The following SPIDR variants were observed in gnomAD, a reference collection of about 807,000 sequenced individuals.
SPIDR encodes scaffold protein involved in DNA repair, also known as DNA repair-scaffolding protein.
Under a neutral mutation model 104.6 loss-of-function variants are expected in SPIDR, and 93 were observed. The ratio of observed to expected loss-of-function variants is 0.89; its 90% CI spans 0.75 to 1.06. SPIDR has a LOEUF of 1.06. SPIDR is among the 50% of genes least tolerant of loss of function. The pLI is 0.00. For synonymous variants in SPIDR, 431 were observed against 416.9 expected, an observed-to-expected ratio of 1.03 and a Z score of -0.41; for missense variants, 1,154 against 1,111.2, an observed-to-expected ratio of 1.04 and a Z score of -0.55.
intron 12 of SPIDR, among the ~76,000 whole-genome samples, chr8:47,701,361 G>A (rs2080154522): frequency 6.6e-6 from 1 of 152,190 alleles, no homozygotes; most frequent in Non-Finnish European, 1.5e-5. Flanking sequence ...GAACCCATGA[G>A]GCAGACGTTG....
intron 8 of SPIDR, among the ~76,000 whole-genome samples, chr8:47,560,281 G>A (rs756147341): frequency 3.3e-5 from 5 of 152,128 alleles, no homozygotes; most frequent in Non-Finnish European, 7.3e-5. Flanking sequence ...ATATAGTGCT[G>A]GTAGGCCAAG....
At chr8:47,458,497 A>G (rs1554711235) in intron 8 of SPIDR, among the ~76,000 whole-genome samples, 2 of 151,792 alleles carry the variant, frequency 1.3e-5, no homozygotes, top group African/African-American at 4.8e-5. Flanking sequence ...TGTATCCTAA[A>G]ACTTTGCTGA....
Position 47,293,908 on chromosome 8 carries a change from G to T in SPIDR, c.403G>T (p.Ala135Ser), listed in dbSNP as rs1330725295. The change falls in exon 5 of 20, where the codon GCA (alanine) becomes TCA (serine). Residue 135 changes from alanine (A) to serine (S), a missense_variant. Transcript: ENST00000297423. ...FIDWEIDSDRAEASDCDEFED... is the reference protein window; with the variant it reads ...FIDWEIDSDRSEASDCDEFED... The stretch of plus-strand genomic sequence containing the variant: ...CGACTGGGAGATTGACAGTGACAGG[G>T]CAGAGGCTAGTGACTGTGATGAATT... The T allele has an allele frequency of 3.7e-6, 6 of 1,613,868 alleles. No individual in the cohort carries two copies. In the Admixed American group the frequency reaches 5.0e-5, roughly 13 times the overall value.
Position 47,713,626 on chromosome 8 carries a change from ATCT to A in SPIDR, c.2327_2329del (p.Ile776_Cys777delinsSer). 3 of 1,614,124 alleles carry A rather than the reference ATCT, an allele frequency of 1.9e-6. No individual in the cohort carries two copies. The South Asian group carries it at 3.3e-5, about 18-fold the overall frequency. The stretch of plus-strand genomic sequence containing the variant: ...GGACTCTGCAACACCTGTCAACTCC[ATCT>A]GCAGTGTTCAAGGTAGGCAGCCATC... On this transcript the variant is annotated inframe_deletion, in exon 16 of 20. Transcript: ENST00000297423.
chr8:47,281,557 C>T (rs1260428237), intron 2 of SPIDR, among the ~76,000 whole-genome samples: 1 of 152,210 alleles, frequency 6.6e-6, no homozygotes, highest in Non-Finnish European at 1.5e-5. Flanking sequence ...TCTCCAGAAA[C>T]TACTTTATTT....
chr8:47,680,805 A>T (rs1005482596), intron 11 of SPIDR, among the ~76,000 whole-genome samples: 2 of 152,236 alleles, frequency 1.3e-5, no homozygotes, highest in African/African-American at 2.4e-5. Flanking sequence ...AGAATAAAGT[A>T]CCACTTAAGA....
intron 5 of SPIDR, among the ~76,000 whole-genome samples, chr8:47,327,580 C>T (rs1392172631): frequency 2.0e-5 from 3 of 151,678 alleles, no homozygotes; most frequent in African/African-American, 4.8e-5. Context: ...TTTTCCCCCT[C>T]GAGGCAGAGT....
chr8:47,675,987 G>GCTCCAGGCCAGAGGCAGCTGTT (rs1261652469), intron 11 of SPIDR, among the ~76,000 whole-genome samples: 4 of 152,242 alleles, frequency 2.6e-5, no homozygotes, highest in African/African-American at 9.6e-5. Context: ...TTCCAGCTGT[G>GCTCCAGGCCAGAGGCAGCTGTT]CTCCAGGCCA....
At chr8:47,392,989 A>G (rs1238316717) in intron 5 of SPIDR, among the ~76,000 whole-genome samples, 1 of 152,140 alleles carries the variant, frequency 6.6e-6, no homozygotes, top group Non-Finnish European at 1.5e-5. Flanking sequence ...CCAAGGTTCC[A>G]ATTTGGACCT....
intron 8 of SPIDR, among the ~76,000 whole-genome samples, chr8:47,463,161 A>G (rs2074219515): frequency 6.6e-6 from 1 of 152,142 alleles, no homozygotes; most frequent in Non-Finnish European, 1.5e-5. Flanking sequence ...GATCAAGACC[A>G]TCCTGGCTAA....
chr8:47,662,335 A>G (rs749889784), intron 10 of SPIDR, among the ~76,000 whole-genome samples: 10 of 152,212 alleles, frequency 6.6e-5, no homozygotes, highest in Non-Finnish European at 1.3e-4. Flanking sequence ...CCGGGGTTGC[A>G]AGTTTCTCAA....
At position 47,260,985 on chromosome 8, in the gene SPIDR, C is replaced by T. The variant is rs910373417; in HGVS notation, c.27C>T (p.Gly9=). The T allele has an allele frequency of 1.2e-5, 15 of 1,230,094 alleles. 1 individual carries two copies. Among genetic ancestry groups the T allele is most frequent in the South Asian group, 7.9e-5 (2 of 25,348 alleles). The allele number at this position is 1,230,094 out of a possible 1,614,324, so 76.2% of individuals were successfully genotyped here. The change falls in exon 1 of 20, where the codon GGC becomes GGT. Residue 9 remains glycine (G), a synonymous_variant. Coordinates refer to ENST00000297423, the MANE Select transcript of SPIDR (RefSeq NM_001080394.4). ...TGCCCCGCGGCAGCCGCGCTCGGGGCTCTAAGGTAGGCTCTGGGGCGGGAG... is the reference window on the plus strand; with the variant it reads ...TGCCCCGCGGCAGCCGCGCTCGGGGTTCTAAGGTAGGCTCTGGGGCGGGAG... MPRGSRAR[G]SKRKRSWNTE...
chr8:47,729,230 T>C, intron 18 of SPIDR, 182 bp from the exon 19 acceptor site: 1 of 1,450,882 alleles, frequency 6.9e-7, no homozygotes, highest in Non-Finnish European at 9.3e-7. Flanking sequence ...GGTGGGAGGA[T>C]GCACCCTATG....
chr8:47,511,737 T>G (rs2154376315), intron 8 of SPIDR: 1 of 1,282,594 alleles, frequency 7.8e-7, no homozygotes, highest in South Asian at 1.2e-5. Context: ...TGTTGGTCAC[T>G]CGCTCCACAG....
chr8:47,390,660 CTTG>C (rs1292199403), intron 5 of SPIDR, among the ~76,000 whole-genome samples: 4 of 150,688 alleles, frequency 2.7e-5, no homozygotes, highest in African/African-American at 9.8e-5. Context: ...GGTACATCTA[CTTG>C]TTATTTTTTT....
Position 47,727,257 on chromosome 8 carries a change from G to T in SPIDR, c.2399G>T (p.Cys800Phe). ...TTCTCATGGCCTGTGTGTGACATGT[G>T]TGGCAACGGGAGATTGGAACAGAGG... ...TAFSWPVCDM[C>F]GNGRLEQRPE... The change falls in exon 17 of 20, where the codon TGT becomes TTT. Residue 800 changes from cysteine (C) to phenylalanine (F), a missense_variant. Cys to Phe is a radical substitution (Grantham distance 205). Coordinates refer to ENST00000297423, the MANE Select transcript of SPIDR (RefSeq NM_001080394.4). 6.2e-7 allele frequency: 1 copy of T among 1,614,170 alleles called. No individual in the cohort carries two copies. The highest frequency in any genetic ancestry group is 8.5e-7 in the Non-Finnish European group (1 of 1,180,024).
At chr8:47,362,194 G>A (rs1158667123) in intron 5 of SPIDR, among the ~76,000 whole-genome samples, 1 of 152,214 alleles carries the variant, frequency 6.6e-6, no homozygotes, top group African/African-American at 2.4e-5. Flanking sequence ...TGTCCTAGAC[G>A]TGGCCTATGG....
chr8:47,387,434 C>G (rs1554649055), intron 5 of SPIDR, among the ~76,000 whole-genome samples: 1 of 152,038 alleles, frequency 6.6e-6, no homozygotes, highest in East Asian at 1.9e-4. Flanking sequence ...GAGCAAGAGA[C>G]CAGCTATGAG....
intron 8 of SPIDR, among the ~76,000 whole-genome samples, chr8:47,481,465 C>T (rs1053259838): frequency 1.3e-5 from 2 of 152,042 alleles, no homozygotes; most frequent in South Asian, 2.1e-4. Context: ...GGAGAAACTC[C>T]GTCTCTACTA....
Sources: allele counts gnomAD v4.1 joint callset (sites outside exome capture counted in the v4.1 genomes callset), GRCh38; gene constraint gnomAD v4.1.1; transcripts MANE v1.5; gene names NCBI Gene and HGNC (gene_info 2026-07-23, HGNC 2026-07-21).